PCBP3: variants seen among roughly 807,000 people sequenced by gnomAD.
PCBP3 encodes poly(rC) binding protein 3, also known as poly(rC)-binding protein 3.
In PCBP3, 25 loss-of-function variants were observed where a neutral mutation model predicts 52.7. The observed-to-expected ratio is 0.47, with a 90% CI of 0.35 to 0.66. PCBP3 has a LOEUF of 0.66. PCBP3 is among the 30% of genes least tolerant of loss of function. The pLI is 0.01. For synonymous variants in PCBP3, 162 were observed against 183.0 expected, an observed-to-expected ratio of 0.89 and a Z score of 0.93; for missense variants, 391 against 490.3, an observed-to-expected ratio of 0.80 and a Z score of 1.91.
In PCBP3 at chr21:45,757,872, C is replaced by T. The variant is rs146703803; in HGVS notation, c.-126+2420C>T. The stretch of plus-strand genomic sequence containing the variant: ...TATTTCTGGATTCTCAATTCTAACC[C>T]ATTGGTCTATATATATTCTTTTTTT... On this transcript the variant is annotated intron_variant, in intron 4 of 17. Coordinates refer to ENST00000681687, the MANE Select transcript of PCBP3 (RefSeq NM_001384156.1). Among the ~76,000 whole-genome samples the T allele has an allele frequency of 1.2e-4, 18 of 148,596 alleles. No homozygotes were observed. The East Asian group carries it at 3.6e-3, about 30-fold the overall frequency.
At chr21:45,931,735 G>A (rs561003443) in intron 15 of PCBP3, among the ~76,000 whole-genome samples, 22 of 152,038 alleles carry the variant, frequency 1.4e-4, no homozygotes, top group African/African-American at 4.1e-4. Flanking sequence ...CGGCCGTGCC[G>A]TCCTGAAATG....
Position 45,876,850 on chromosome 21 carries a change from C to G in PCBP3, c.11-19358C>G, listed in dbSNP as rs552416374. Among the ~76,000 whole-genome samples, 565 of 152,352 alleles carry G rather than the reference C, an allele frequency of 3.7e-3. 2 individuals are homozygous for G. Among genetic ancestry groups the G allele is most frequent in the Middle Eastern group, 0.01 (3 of 294 alleles). On this transcript the variant is annotated intron_variant, in intron 5 of 17. Transcript: ENST00000681687. ...GCAGCCCTGGACAGAGCACAGCTAA[C>G]GGGGGTATGGCCAGAGCCGCTGGCT... is the stretch of plus-strand genomic sequence containing the variant.
In PCBP3 at chr21:45,674,830, C is replaced by T. The variant is rs891787784; in HGVS notation, c.-200+5878C>T. Among the ~76,000 whole-genome samples the T allele has an allele frequency of 2.6e-5, 4 of 152,210 alleles. 1 individual carries two copies. In the South Asian group the frequency reaches 8.3e-4, roughly 31 times the overall value. On this transcript the variant is annotated intron_variant, in intron 2 of 17. Coordinates refer to ENST00000681687, the MANE Select transcript of PCBP3 (RefSeq NM_001384156.1). ...TTCCCATAGTGGTCTGTGACCCATG[C>T]TGGGACTGGCTCTTCTCCTCGGCTC...
chr21:45,894,038 A>G (rs989427983), intron 5 of PCBP3: 3 of 985,314 alleles, frequency 3.0e-6, no homozygotes, highest in Non-Finnish European at 3.6e-6. Flanking sequence ...AGGGAGAGCC[A>G]GAGAGTGGTT....
intron 2 of PCBP3, among the ~76,000 whole-genome samples, chr21:45,684,272 G>GT (rs1382659622): frequency 1.3e-5 from 2 of 152,084 alleles, no homozygotes; most frequent in African/African-American, 4.8e-5. Context: ...TCCTGTGGAA[G>GT]TATATGTTAA....
At chr21:45,722,439 A>C (rs1292243208) in intron 2 of PCBP3, among the ~76,000 whole-genome samples, 1 of 152,196 alleles carries the variant, frequency 6.6e-6, no homozygotes, top group East Asian at 1.9e-4. Context: ...TGCTCATAGG[A>C]TAAATAATAT....
chr21:45,883,328 T>G (rs1305340671), intron 5 of PCBP3, among the ~76,000 whole-genome samples: 2 of 152,192 alleles, frequency 1.3e-5, no homozygotes. Context: ...TATCCTGGTA[T>G]AGATTCTGTA....
intron 4 of PCBP3, among the ~76,000 whole-genome samples, chr21:45,767,270 T>G (rs749206738): frequency 3.3e-5 from 5 of 152,196 alleles, no homozygotes; most frequent in Non-Finnish European, 7.3e-5. Context: ...TCTACAGATT[T>G]GCCCATGCTG....
At chr21:45,865,373 A>G (rs2839024) in intron 5 of PCBP3, among the ~76,000 whole-genome samples, 40,909 of 152,164 alleles carry the variant, frequency 0.27, 8,152 homozygotes, top group African/African-American at 0.57. Flanking sequence ...TATCTCCAGG[A>G]ACAAAGCATG....
Position 45,800,277 on chromosome 21 carries a change from A to G in PCBP3, c.-126+44825A>G, listed in dbSNP as rs538009513. On this transcript the variant is annotated intron_variant, in intron 4 of 17. Coordinates refer to ENST00000681687, the MANE Select transcript of PCBP3 (RefSeq NM_001384156.1). This position sits in a 1 kb window ranked among gnomAD's most constrained non-coding sequence, Gnocchi z 5.3. ...TCCTGGCAGATCCACCCACAGAGAC[A>G]GCAGGTCCAGGTCAGGGCTACCCCT... Among the ~76,000 whole-genome samples the G allele has an allele frequency of 6.6e-6, 1 of 152,330 alleles. No individual in the cohort carries two copies. The highest frequency in any genetic ancestry group is 2.4e-5 in the African/African-American group (1 of 41,580).
rs1047891675 is a variant in PCBP3 at position 45,866,042 on chromosome 21, C to T, written c.10+15947C>T. ...TGCCGCACTCCAGCCAGCAGAATAG[C>T]AGTGGGCTTCCTTCTCCAAGCATGG... is the stretch of plus-strand genomic sequence containing the variant. On this transcript the variant is annotated intron_variant, in intron 5 of 17. Transcript: ENST00000681687. Among the ~76,000 whole-genome samples, 4 of 152,342 alleles carry T rather than the reference C, an allele frequency of 2.6e-5. No homozygotes were observed. In the South Asian group the frequency reaches 6.2e-4, roughly 24 times the overall value.
Position 45,911,402 on chromosome 21 carries a change from G to C in PCBP3, c.600+372G>C. 5 of 271,604 alleles carry C rather than the reference G, an allele frequency of 1.8e-5. No individual in the cohort carries two copies. The East Asian group carries it at 3.1e-4, about 17-fold the overall frequency. 16.8% of individuals were successfully genotyped at this position (271,604 alleles called of 1,614,324 possible). A position where few individuals can be genotyped will look rare whatever the true frequency, so the allele number is the denominator to read the frequency against. Reference sequence around the variant, plus strand: ...GGAGTCAGGCCTTGGGGGGCAGCTGGGGGTGGGAGGGAGGCAAAGGCAGGA... The same window carrying C: ...GGAGTCAGGCCTTGGGGGGCAGCTGCGGGTGGGAGGGAGGCAAAGGCAGGA... On this transcript the variant is annotated intron_variant, in intron 11 of 17. Transcript: ENST00000681687.
At chr21:45,739,200 T>C (rs2086170037) in intron 3 of PCBP3, among the ~76,000 whole-genome samples, 1 of 98,478 alleles carries the variant, frequency 1.0e-5, no homozygotes, top group African/African-American at 4.0e-5. Flanking sequence ...GCCCACCCCT[T>C]CCTGCCCATT....
rs111370404 is a variant in PCBP3 at position 45,853,299 on chromosome 21, G to A, written c.10+3204G>A. ...GAAGAGTGAAAACCTAACTGTGGCAGAAGCCAGATGCCGTGGGTTGGGTGT... is the reference window on the plus strand; with the variant it reads ...GAAGAGTGAAAACCTAACTGTGGCAAAAGCCAGATGCCGTGGGTTGGGTGT... On this transcript the variant is annotated intron_variant, in intron 5 of 17. Coordinates refer to ENST00000681687, the MANE Select transcript of PCBP3 (RefSeq NM_001384156.1). This position sits in a 1 kb window ranked among gnomAD's most constrained non-coding sequence, Gnocchi z 4.6. 3.3e-5 allele frequency among the ~76,000 whole-genome samples: 5 copies of A among 152,248 alleles called. No individual in the cohort carries two copies. The highest frequency in any genetic ancestry group is 5.9e-5 in the Non-Finnish European group (4 of 68,038).
chr21:45,937,702 G>T (rs1389021584), intron 16 of PCBP3, among the ~76,000 whole-genome samples: 2 of 152,236 alleles, frequency 1.3e-5, no homozygotes, highest in Non-Finnish European at 2.9e-5. Context: ...AGGGTTTGCA[G>T]GTGCAGGTGG....
At chr21:45,850,228 A>G (rs192145055) in intron 5 of PCBP3, 133 bp downstream of exon 5, 17 of 768,604 alleles carry the variant, frequency 2.2e-5, no homozygotes, top group Admixed American at 8.1e-5. Context: ...TCAGTCCACA[A>G]TGTGCCCTGA....
chr21:45,809,762 A>G lies in PCBP3; in HGVS notation c.-125-40199A>G, dbSNP rs73378594. Reference sequence around the variant, plus strand: ...GCATCATCTCCCATCAGAGACCCTCACAGGAAGCCAACTGATGAGGTTTGG... The same window carrying G: ...GCATCATCTCCCATCAGAGACCCTCGCAGGAAGCCAACTGATGAGGTTTGG... On this transcript the variant is annotated intron_variant, in intron 4 of 17. Transcript: ENST00000681687. Among the ~76,000 whole-genome samples, 740 of 152,272 alleles carry G rather than the reference A, an allele frequency of 4.9e-3. 7 individuals are homozygous for G. Among genetic ancestry groups the G allele is most frequent in the African/African-American group, 0.016 (678 of 41,558 alleles).
intron 5 of PCBP3, among the ~76,000 whole-genome samples, chr21:45,886,234 G>A (rs76562364): frequency 9.4e-5 from 10 of 106,532 alleles, no homozygotes; most frequent in African/African-American, 3.6e-4. Context: ...GGTGCCAAGG[G>A]CAGAGGATGT....
intron 9 of PCBP3, among the ~76,000 whole-genome samples, chr21:45,902,970 A>C (rs905493457): frequency 2.6e-5 from 4 of 152,240 alleles, no homozygotes; most frequent in Non-Finnish European, 5.9e-5. Flanking sequence ...CCCTTCCACG[A>C]GTACACAAAT....
Sources: gnomAD v4.1 joint callset for allele counts (sites outside exome capture counted in the v4.1 genomes callset) on GRCh38, gnomAD v4.1.1 for gene constraint, Gnocchi (gnomAD v3.1) non-coding constraint, MANE v1.5 for transcripts, NCBI Gene and HGNC (gene_info 2026-07-23, HGNC 2026-07-21) for gene names.